The following LTF variants were observed in gnomAD, a reference collection of about 807,000 sequenced individuals.
LTF encodes the protein lactotransferrin.
In LTF, 91 loss-of-function variants were observed where a neutral mutation model predicts 87.2. The observed-to-expected ratio is 1.04, with a 90% CI of 0.88 to 1.24. The LOEUF (loss-of-function observed/expected upper bound fraction) is 1.24, where lower values mean the gene tolerates loss of function less well. LTF is among the 50% of genes most tolerant of loss of function. The pLI is 0.00. For synonymous variants in LTF, 378 were observed against 356.1 expected, an observed-to-expected ratio of 1.06 and a Z score of -0.69; for missense variants, 901 against 904.3, an observed-to-expected ratio of 1.00 and a Z score of 0.05.
At chr3:46,448,815 A>C (rs969558675) in intron 9 of LTF, 48 bp downstream of exon 9, 1 of 1,596,616 alleles carries the variant, frequency 6.3e-7, no homozygotes, top group African/African-American at 1.4e-5. Context: ...CCCAGGCCCT[A>C]GGTCTTCCAC....
At chr3:46,463,557 C>T in intron 1 of LTF, 1 of 985,510 alleles carries the variant, frequency 1.0e-6, no homozygotes. Context: ...GGGTACAAGC[C>T]ACCATCCCAA....
chr3:46,442,013 T>C (rs1702535619), intron 13 of LTF: 1 of 148,436 alleles, frequency 6.7e-6, no homozygotes, highest in Admixed American at 6.8e-5. Context: ...GAGATTTACA[T>C]TACTGGCAGA....
chr3:46,460,991 C>T (rs74423912), intron 1 of LTF, among the ~76,000 whole-genome samples: 8,502 of 152,116 alleles, frequency 0.056, 797 homozygotes, highest in African/African-American at 0.2. Context: ...TAGTACATGA[C>T]GGGTAAATGA....
intron 1 of LTF, among the ~76,000 whole-genome samples, chr3:46,480,077 A>G (rs1218860982): frequency 6.6e-6 from 1 of 152,194 alleles, no homozygotes; most frequent in African/African-American, 2.4e-5. Flanking sequence ...GCTCCATTCT[A>G]ATCATGGTAA....
At chr3:46,446,305 TTAAAATTATTGC>T in intron 11 of LTF, 123 bp downstream of exon 11, 3 of 188,472 alleles carry the variant, frequency 1.6e-5, no homozygotes, top group Non-Finnish European at 2.8e-5. Context: ...ATTTGCACCC[TTAAAATTATTGC>T]TCCTAGAAGC....
At chr3:46,459,902 C>T in intron 1 of LTF, 83 bp from the exon 2 acceptor site, 5 of 999,932 alleles carry the variant, frequency 5.0e-6, no homozygotes, top group Non-Finnish European at 6.8e-6. Context: ...GTTTTCCAGA[C>T]TCCTCCCTCT....
Position 46,455,952 on chromosome 3 carries a change from C to T in LTF, c.343G>A (p.Ala115Thr). 1.2e-6 allele frequency: 2 copies of T among 1,605,694 alleles called. No individual in the cohort carries two copies. Among genetic ancestry groups the T allele is most frequent in the Non-Finnish European group, 1.7e-6 (2 of 1,176,018 alleles). ...RQPRTHYYAVAVVKKGGSFQL... is the reference protein window; with the variant it reads ...RQPRTHYYAVTVVKKGGSFQL... Reference sequence around the variant, plus strand: ...AAGCTGCCGCCCTTCTTCACCACAGCCACGGCATAATAGTGAGTTCGTGGC... The same window carrying T: ...AAGCTGCCGCCCTTCTTCACCACAGTCACGGCATAATAGTGAGTTCGTGGC... The change falls in exon 4 of 17, where the codon GCT becomes ACT. Residue 115 changes from alanine (A) to threonine (T), a missense_variant. Transcript: ENST00000231751.
chr3:46,438,897 C>T (rs1702449143), intron 15 of LTF, among the ~76,000 whole-genome samples: 1 of 152,156 alleles, frequency 6.6e-6, no homozygotes, highest in Non-Finnish European at 1.5e-5. Flanking sequence ...GAGGCCTGGC[C>T]TAGAGCACTG....
Position 46,449,925 on chromosome 3 carries a change from A to G in LTF, c.986T>C (p.Val329Ala). The G allele has an allele frequency of 6.2e-7, 1 of 1,614,100 alleles. No individual in the cohort carries two copies. Among genetic ancestry groups the G allele is most frequent in the Non-Finnish European group, 8.5e-7 (1 of 1,180,010 alleles). ...CAGCCCAGAATCTATCCTCGGGGGC[A>G]CCCTCGAAAACCCAATGGCAGAGTC... ...FKDSAIGFSRVPPRIDSGLYL... is the reference protein window; with the variant it reads ...FKDSAIGFSRAPPRIDSGLYL... The change falls in exon 8 of 17, where the codon GTG becomes GCG. Residue 329 changes from valine (V) to alanine (A), a missense_variant. Coordinates refer to ENST00000231751, the MANE Select transcript of LTF (RefSeq NM_002343.6).
intron 8 of LTF, among the ~76,000 whole-genome samples, chr3:46,449,589 G>T (rs917711666): frequency 6.6e-6 from 1 of 152,188 alleles, no homozygotes; most frequent in Non-Finnish European, 1.5e-5. Context: ...GGCTATCTTT[G>T]TTCATGTTCA....
chr3:46,446,442 T>C lies in LTF; in HGVS notation c.1355A>G (p.Glu452Gly). ...PDPNCVDRPV[E>G]GYLAVAVVRR... ...GAAAGTGGCTAATGCCAACTCACCTTCCACAGGTCTATCCACACAGTTAGG... is the reference window on the plus strand; with the variant it reads ...GAAAGTGGCTAATGCCAACTCACCTCCCACAGGTCTATCCACACAGTTAGG... The change falls in exon 11 of 17, where the codon GAA (glutamate) becomes GGA (glycine). Residue 452 changes from glutamate (E) to glycine (G), a missense_variant and splice_region_variant. Transcript: ENST00000231751. 2 of 1,612,952 alleles carry C rather than the reference T, an allele frequency of 1.2e-6. No homozygotes were observed. Among genetic ancestry groups the C allele is most frequent in the Non-Finnish European group, 1.7e-6 (2 of 1,179,364 alleles).
chr3:46,455,688 C>T lies in LTF; in HGVS notation c.499+108G>A, dbSNP rs890114119. On this transcript the variant is annotated intron_variant, in intron 4 of 16. Transcript: ENST00000231751. The stretch of plus-strand genomic sequence containing the variant: ...GTTACAAGCTGGCCAGCCTCACCCC[C>T]ACCTTGATTCATCCCACACTTTCAC... 9.0e-6 allele frequency: 12 copies of T among 1,338,484 alleles called. No homozygotes were observed. The Admixed American group carries it at 2.3e-4, about 25-fold the overall frequency. 82.9% of individuals were successfully genotyped at this position (1,338,484 alleles called of 1,614,324 possible). A position where few individuals can be genotyped will look rare whatever the true frequency, so the allele number is the denominator to read the frequency against.
Position 46,445,369 on chromosome 3 carries a change from C to A in LTF, c.1425G>T (p.Lys475Asn). 8 of 1,614,106 alleles carry A rather than the reference C, an allele frequency of 5.0e-6. No individual in the cohort carries two copies. Among genetic ancestry groups the A allele is most frequent in the Non-Finnish European group, 6.8e-6 (8 of 1,179,964 alleles). Residue 475 changes from lysine to asparagine, a missense_variant, in exon 12 of 17, where the codon AAG (lysine) becomes AAT (asparagine). Lys to Asn is a moderately conservative substitution (Grantham distance 94, BLOSUM62 0). Coordinates refer to ENST00000231751, the MANE Select transcript of LTF (RefSeq NM_002343.6). Reference sequence around the variant, plus strand: ...TGTCCACGGCGGTGTGGCAGGACTTCTTGCCTTTCACAGAGTTCCAGGTAA... The same window carrying A: ...TGTCCACGGCGGTGTGGCAGGACTTATTGCCTTTCACAGAGTTCCAGGTAA... Reference protein sequence around the residue: ...TSLTWNSVKGKKSCHTAVDRT... With the variant: ...TSLTWNSVKGNKSCHTAVDRT...
intron 1 of LTF, among the ~76,000 whole-genome samples, chr3:46,483,471 A>G (rs1015836576): frequency 6.6e-6 from 1 of 152,224 alleles, no homozygotes; most frequent in African/African-American, 2.4e-5. Context: ...CCACGACAAT[A>G]TGGTTGAATC....
Position 46,455,805 on chromosome 3 carries a change from T to C in LTF, c.490A>G (p.Ile164Val), listed in dbSNP as rs141442902. The change falls in exon 4 of 17, where the codon ATT becomes GTT. Residue 164 changes from isoleucine (I) to valine (V), a missense_variant. Coordinates refer to ENST00000231751, the MANE Select transcript of LTF (RefSeq NM_002343.6). ...FLNWTGPPEP[I>V]EAAVARFFSA... ...CCCCCAGCCATCTTACCTGCCTCAA[T>C]GGGCTCAGGTGGACCCGTCCAATTC... 1.3e-6 allele frequency: 2 copies of C among 1,564,658 alleles called. No homozygotes were observed. Among genetic ancestry groups the C allele is most frequent in the African/African-American group, 2.7e-5 (2 of 73,336 alleles).
At chr3:46,448,038 T>G (rs1371469259) in intron 9 of LTF, among the ~76,000 whole-genome samples, 1 of 152,174 alleles carries the variant, frequency 6.6e-6, no homozygotes. Flanking sequence ...CTGAGCCATA[T>G]TCACATAAAA....
At chr3:46,472,510 G>A (rs981990022) in intron 1 of LTF, among the ~76,000 whole-genome samples, 6 of 150,032 alleles carry the variant, frequency 4.0e-5, no homozygotes, top group Admixed American at 4.0e-4. Flanking sequence ...GTGTGTGTGT[G>A]TGTGTGTGTG....
At chr3:46,480,899 C>A (rs1441477070) in intron 1 of LTF, among the ~76,000 whole-genome samples, 1 of 152,166 alleles carries the variant, frequency 6.6e-6, no homozygotes, top group African/African-American at 2.4e-5. Context: ...ATGCAGCTTC[C>A]CCTCCAGGTG....
At chr3:46,443,632 A>C in intron 12 of LTF, 50 bp from the exon 13 acceptor site, 1 of 1,603,530 alleles carries the variant, frequency 6.2e-7, no homozygotes, top group Non-Finnish European at 8.5e-7. Context: ...GAGTCCACAC[A>C]AGCAACCTTT....
Sources: gnomAD v4.1 joint callset for allele counts (sites outside exome capture counted in the v4.1 genomes callset) on GRCh38, gnomAD v4.1.1 for gene constraint, MANE v1.5 for transcripts, NCBI Gene and HGNC (gene_info 2026-07-23, HGNC 2026-07-21) for gene names.